Variants in NEK1 observed in about 807,000 individuals in gnomAD.
The protein encoded by NEK1 is NIMA related kinase 1, also known as serine/threonine-protein kinase Nek1.
NEK1 carries 137 observed loss-of-function variants against 182.1 expected under a neutral mutation model. The ratio of observed to expected loss-of-function variants is 0.75; its 90% confidence interval spans 0.65 to 0.87. The LOEUF is 0.87. NEK1 is among the 40% of genes least tolerant of loss of function. The pLI is 0.00. For synonymous variants in NEK1, 513 were observed against 492.2 expected (o/e 1.04, Z -0.56); for missense variants, 1,391 against 1,494.4 (o/e 0.93, Z 1.14).
At chr4:169,498,009 A>G (rs1439432966) in intron 23 of NEK1, among the ~76,000 whole-genome samples, 2 of 152,154 alleles carry the variant, frequency 1.3e-5, no homozygotes, top group African/African-American at 4.8e-5. Context: ...ATGGGGTGTT[A>G]AAGTCTTCCC....
intron 23 of NEK1, among the ~76,000 whole-genome samples, chr4:169,495,418 A>G (rs573878964): frequency 6.5e-4 from 98 of 151,236 alleles, no homozygotes; most frequent in Non-Finnish European, 1.2e-3. Context: ...TAATTTTTGT[A>G]TTTTTAGTAG....
At chr4:169,415,130 C>T (rs1162221209) in intron 31 of NEK1, among the ~76,000 whole-genome samples, 3 of 152,208 alleles carry the variant, frequency 2.0e-5, no homozygotes, top group Admixed American at 6.5e-5. Context: ...CAAAGACAAA[C>T]AGCTAATTCA....
At chr4:169,600,329 G>A (rs1365721611) in intron 4 of NEK1, among the ~76,000 whole-genome samples, 3 of 151,962 alleles carry the variant, frequency 2.0e-5, no homozygotes, top group Admixed American at 6.6e-5. Flanking sequence ...AGGTGGAACC[G>A]CAGGCACACA....
intron 13 of NEK1, 45 bp from the exon 14 acceptor site, chr4:169,561,936 T>C: frequency 6.6e-7 from 1 of 1,524,026 alleles, no homozygotes; most frequent in Admixed American, 2.0e-5. Context: ...AATTCCTGTT[T>C]TTTCTAGTTT....
chr4:169,450,887 A>T (rs1309201649), intron 27 of NEK1, among the ~76,000 whole-genome samples: 2 of 152,220 alleles, frequency 1.3e-5, no homozygotes, highest in Non-Finnish European at 2.9e-5. Flanking sequence ...TATTTAGGAG[A>T]CCCATCTCAC....
At chr4:169,470,350 T>C (rs578008105) in intron 26 of NEK1, among the ~76,000 whole-genome samples, 89 of 152,302 alleles carry the variant, frequency 5.8e-4, no homozygotes, top group African/African-American at 2.1e-3. Context: ...TAGCATTTGC[T>C]TGTCTGTAAA....
intron 18 of NEK1, among the ~76,000 whole-genome samples, chr4:169,543,176 G>C (rs1456512819): frequency 6.6e-6 from 1 of 152,148 alleles, no homozygotes; most frequent in Non-Finnish European, 1.5e-5. Flanking sequence ...AAGATGTAAG[G>C]AGGGGATCCA....
At chr4:169,545,644 T>G (rs1320746332) in intron 18 of NEK1, among the ~76,000 whole-genome samples, 4 of 148,854 alleles carry the variant, frequency 2.7e-5, no homozygotes, top group Non-Finnish European at 5.9e-5. Context: ...CCACAATGGT[T>G]GAACTAGTTT....
chr4:169,595,695 G>A lies in NEK1; in HGVS notation c.312+3405C>T, dbSNP rs184774623. ...TCCCAGCACTTTGGGAGGCAGAGGC[G>A]GGCGGATCACGAGGTCAGGAGATCA... On this transcript the variant is annotated intron_variant, in intron 5 of 35. Transcript: ENST00000507142. Among the ~76,000 whole-genome samples the A allele has an allele frequency of 3.4e-3, 512 of 152,020 alleles. 3 individuals are homozygous for A. The highest frequency in any genetic ancestry group is 9.3e-3 in the African/African-American group (386 of 41,472).
intron 2 of NEK1, among the ~76,000 whole-genome samples, chr4:169,608,555 C>T (rs929448987): frequency 1.3e-5 from 2 of 151,960 alleles, no homozygotes; most frequent in Non-Finnish European, 2.9e-5. Context: ...ATCAAAAAAC[C>T]TTGAGGGATT....
intron 19 of NEK1, among the ~76,000 whole-genome samples, chr4:169,529,283 T>C (rs1203242315): frequency 7.6e-6 from 1 of 131,782 alleles, no homozygotes; most frequent in African/African-American, 2.5e-5. Flanking sequence ...CTATTATGTA[T>C]CAATAAAAAT....
intron 5 of NEK1, among the ~76,000 whole-genome samples, chr4:169,592,403 A>C (rs560940277): frequency 6.6e-6 from 1 of 152,328 alleles, no homozygotes; most frequent in African/African-American, 2.4e-5. Context: ...AGAATGAAGC[A>C]CTTCTATGTA....
Position 169,576,949 on chromosome 4 carries a change from TTTC to T in NEK1, c.996_998del (p.Lys333del). On this transcript the variant is annotated inframe_deletion, in exon 12 of 36. Coordinates refer to ENST00000507142, the MANE Select transcript of NEK1 (RefSeq NM_001199397.3). ...ATACCTGTTTATGTTTTTGCAGTGG[TTTC>T]TTTTCGTGTAATTTTTTATCTCCAT... 1 of 1,608,300 alleles carries T rather than the reference TTTC, an allele frequency of 6.2e-7. No individual in the cohort carries two copies. The highest frequency in any genetic ancestry group is 8.5e-7 in the Non-Finnish European group (1 of 1,177,176).
At chr4:169,529,930 G>A (rs78807372) in intron 19 of NEK1, among the ~76,000 whole-genome samples, 2 of 152,090 alleles carry the variant, frequency 1.3e-5, no homozygotes, top group Non-Finnish European at 2.9e-5. Context: ...ACTGGAATTC[G>A]AGTACAATGC....
intron 29 of NEK1, among the ~76,000 whole-genome samples, chr4:169,432,186 C>A (rs2149406397): frequency 6.6e-6 from 1 of 152,182 alleles, no homozygotes; most frequent in African/African-American, 2.4e-5. Flanking sequence ...AAACTAACAG[C>A]CCAAACAGAT....
chr4:169,408,135 T>C (rs543379373), intron 31 of NEK1, among the ~76,000 whole-genome samples: 2 of 152,354 alleles, frequency 1.3e-5, no homozygotes, highest in African/African-American at 4.8e-5. Context: ...CACATATGCA[T>C]TATATAATTA....
At chr4:169,491,808 ATT>A (rs1286726299) in intron 23 of NEK1, among the ~76,000 whole-genome samples, 1 of 152,250 alleles carries the variant, frequency 6.6e-6, no homozygotes, top group Non-Finnish European at 1.5e-5. Context: ...CTGTAATTGC[ATT>A]AAGTTGTTAT....
At chr4:169,437,938 C>A in intron 28 of NEK1, 145 bp downstream of exon 28, 1 of 609,848 alleles carries the variant, frequency 1.6e-6, no homozygotes, top group South Asian at 3.6e-5. Flanking sequence ...AAAAAAAGAC[C>A]AATAGCTAAA....
intron 26 of NEK1, among the ~76,000 whole-genome samples, chr4:169,470,800 G>A (rs1421734107): frequency 6.6e-6 from 1 of 152,110 alleles, no homozygotes; most frequent in Non-Finnish European, 1.5e-5. Flanking sequence ...CATATTTCTC[G>A]AAGGGTCTGT....
Sources: gnomAD v4.1 joint callset for allele counts (sites outside exome capture counted in the v4.1 genomes callset) on GRCh38, gnomAD v4.1.1 for gene constraint, MANE v1.5 for transcripts, NCBI Gene and HGNC (gene_info 2026-07-23, HGNC 2026-07-21) for gene names.